The following SPON1 variants were observed in gnomAD, a reference collection of about 807,000 sequenced individuals.
The protein encoded by SPON1 is spondin 1.
Under a neutral mutation model 111.7 loss-of-function variants are expected in SPON1, and 52 were observed. The ratio of observed to expected loss-of-function variants is 0.47; its 90% CI spans 0.37 to 0.59. SPON1 has a LOEUF of 0.59. SPON1 is among the 20% of genes least tolerant of loss of function. The probability of loss-of-function intolerance (pLI) is 0.00; values close to 1 mark genes in which losing one functional copy is unlikely to be tolerated. For missense variants in SPON1, 957 were observed against 1,068.5 expected, an observed-to-expected ratio of 0.90 and a Z score of 1.46; for synonymous variants, 410 against 395.8, an observed-to-expected ratio of 1.04 and a Z score of -0.43.
At chr11:14,023,379 C>G (rs1282706058) in intron 2 of SPON1, among the ~76,000 whole-genome samples, 1 of 145,512 alleles carries the variant, frequency 6.9e-6, no homozygotes, top group Non-Finnish European at 1.6e-5. Context: ...GAGAGAAATA[C>G]TGTGAAGGTA....
At chr11:14,022,677 A>G (rs563393734) in intron 2 of SPON1, among the ~76,000 whole-genome samples, 3 of 152,338 alleles carry the variant, frequency 2.0e-5, no homozygotes, top group African/African-American at 4.8e-5. Context: ...GCATAGCTCA[A>G]TAAACTTTAG....
intron 6 of SPON1, among the ~76,000 whole-genome samples, chr11:14,152,381 A>G (rs1847798638): frequency 6.6e-6 from 1 of 152,210 alleles, no homozygotes; most frequent in Non-Finnish European, 1.5e-5. Flanking sequence ...TCATTAATCA[A>G]TGAGTAAGGA....
chr11:14,161,132 ATATATATC>A (rs1369938317), intron 6 of SPON1, among the ~76,000 whole-genome samples: 8 of 37,508 alleles, frequency 2.1e-4, no homozygotes, highest in East Asian at 1.0e-3. Flanking sequence ...TATATATTTT[ATATATATC>A]TATATATCTA....
chr11:14,091,854 C>A (rs1014186717), intron 5 of SPON1, among the ~76,000 whole-genome samples: 5 of 151,526 alleles, frequency 3.3e-5, no homozygotes, highest in African/African-American at 1.2e-4. Context: ...CGAGAGCAAG[C>A]GAGGGCTCTG....
intron 5 of SPON1, among the ~76,000 whole-genome samples, chr11:14,101,796 T>G (rs999178147): frequency 6.6e-6 from 1 of 152,230 alleles, no homozygotes; most frequent in Non-Finnish European, 1.5e-5. Flanking sequence ...CATCCTGCTT[T>G]TACCCCAACT....
intron 1 of SPON1, among the ~76,000 whole-genome samples, chr11:13,981,794 G>A (rs1369272647): frequency 1.3e-5 from 2 of 152,184 alleles, no homozygotes; most frequent in African/African-American, 4.8e-5. Flanking sequence ...GATTTTCCGT[G>A]GGGTTGTTTA....
At chr11:14,151,253 T>C (rs1337861459) in intron 6 of SPON1, among the ~76,000 whole-genome samples, 2 of 152,220 alleles carry the variant, frequency 1.3e-5, no homozygotes, top group Admixed American at 6.5e-5. Flanking sequence ...AACAAGTTCT[T>C]GTAGCCCATA....
chr11:14,157,453 T>G (rs1413372929), intron 6 of SPON1, among the ~76,000 whole-genome samples: 2 of 152,070 alleles, frequency 1.3e-5, no homozygotes, highest in Non-Finnish European at 2.9e-5. Flanking sequence ...ACATAGCTGC[T>G]TTTAAGATTT....
At chr11:14,224,025 G>A (rs1848710393) in intron 6 of SPON1, among the ~76,000 whole-genome samples, 1 of 152,156 alleles carries the variant, frequency 6.6e-6, no homozygotes, top group Non-Finnish European at 1.5e-5. Context: ...AATGTTATAA[G>A]CAAATCAAAT....
chr11:14,155,622 G>A (rs1484939137), intron 6 of SPON1, among the ~76,000 whole-genome samples: 5 of 151,216 alleles, frequency 3.3e-5, no homozygotes, highest in African/African-American at 9.7e-5. Flanking sequence ...CTAGCATTAG[G>A]TATATCTCCT....
At chr11:14,181,192 A>G (rs1217678017) in intron 6 of SPON1, among the ~76,000 whole-genome samples, 1 of 152,212 alleles carries the variant, frequency 6.6e-6, no homozygotes, top group African/African-American at 2.4e-5. Context: ...TCCTTACACA[A>G]TTAAATATAA....
At position 14,085,317 on chromosome 11, in the gene SPON1, C is replaced by G. The variant is rs185892356; in HGVS notation, c.676+5296C>G. On this transcript the variant is annotated intron_variant, in intron 5 of 15. Transcript: ENST00000576479. ...TCTTTAATAATCCATCTTGAGTTAA[C>G]TTTTGTATAAGATATAAGGAAGGGT... Among the ~76,000 whole-genome samples the G allele has an allele frequency of 1.7e-3, 262 of 152,032 alleles. 4 individuals are homozygous for G. Among genetic ancestry groups the G allele is most frequent in the African/African-American group, 5.8e-3 (241 of 41,498 alleles).
chr11:14,026,294 A>G (rs1040781304), intron 2 of SPON1, among the ~76,000 whole-genome samples: 3 of 152,380 alleles, frequency 2.0e-5, no homozygotes, highest in East Asian at 1.9e-4. Context: ...TTTGACAAAT[A>G]GTCCTTGAGT....
rs1849153081 is a variant in SPON1, at chr11:14,259,824, T to C, written c.1831+123T>C. ...CAGAGGAAAGCATGGCCCATGGTCCTTGCTGGGCACTGCTGGGAGCCAGAT... is the reference window on the plus strand; with the variant it reads ...CAGAGGAAAGCATGGCCCATGGTCCCTGCTGGGCACTGCTGGGAGCCAGAT... On this transcript the variant is annotated intron_variant, in intron 13 of 15. Coordinates refer to ENST00000576479, the MANE Select transcript of SPON1 (RefSeq NM_006108.4). This position sits in a 1 kb window ranked among gnomAD's most constrained non-coding sequence, Gnocchi z 5.0. The C allele has an allele frequency of 8.9e-7, 1 of 1,124,270 alleles. No individual in the cohort carries two copies. Among genetic ancestry groups the C allele is most frequent in the Non-Finnish European group, 1.3e-6 (1 of 795,748 alleles). The allele number at this position is 1,124,270 out of a possible 1,614,324, so 69.6% of individuals were successfully genotyped here. A position where few individuals can be genotyped will look rare whatever the true frequency, so the allele number is the denominator to read the frequency against.
Position 14,000,190 on chromosome 11 carries a change from T to C in SPON1, c.345+17237T>C, listed in dbSNP as rs541659531. Among the ~76,000 whole-genome samples, 4 of 152,230 alleles carry C rather than the reference T, an allele frequency of 2.6e-5. No homozygotes were observed. The South Asian group carries it at 8.3e-4, about 32-fold the overall frequency. On this transcript the variant is annotated intron_variant, in intron 2 of 15. Transcript: ENST00000576479. ...ACAGGTCTGTCTCCCTAGGCATGGA[T>C]ATATGCCTCAAAAACTCTATTTCCT...
intron 6 of SPON1, among the ~76,000 whole-genome samples, chr11:14,171,649 A>G (rs1372469139): frequency 1.3e-5 from 2 of 151,822 alleles, no homozygotes; most frequent in Non-Finnish European, 2.9e-5. Flanking sequence ...ATTTCCCTCT[A>G]CACACTGCTT....
intron 3 of SPON1, among the ~76,000 whole-genome samples, chr11:14,048,568 T>C (rs1848686130): frequency 1.3e-5 from 2 of 152,196 alleles, no homozygotes; most frequent in Admixed American, 1.3e-4. Flanking sequence ...ATGCAAAGCT[T>C]TGAACATTTC....
chr11:14,167,905 G>C (rs1554931991), intron 6 of SPON1, among the ~76,000 whole-genome samples: 1 of 152,068 alleles, frequency 6.6e-6, no homozygotes, highest in East Asian at 1.9e-4. Flanking sequence ...CTTTGCTTAA[G>C]ACTTCAGTTT....
chr11:14,254,723 C>A lies in SPON1; in HGVS notation c.1086C>A (p.Thr362=). The change falls in exon 8 of 16, where the codon ACC becomes ACA. Residue 362 remains threonine (T), a synonymous_variant. Coordinates refer to ENST00000576479, the MANE Select transcript of SPON1 (RefSeq NM_006108.4). ...PWDAGTDSGV[T]YESPNKPTIP... Reference sequence around the variant, plus strand: ...ACGCTGGCACCGACAGCGGGGTGACCTATGAGGTGTGTGTGTGTGCCTGGA... The same window carrying A: ...ACGCTGGCACCGACAGCGGGGTGACATATGAGGTGTGTGTGTGTGCCTGGA... 6.2e-7 allele frequency: 1 copy of A among 1,613,670 alleles called. No homozygotes were observed. The highest frequency in any genetic ancestry group is 8.5e-7 in the Non-Finnish European group (1 of 1,179,864).
Sources: allele counts gnomAD v4.1 joint callset (sites outside exome capture counted in the v4.1 genomes callset), GRCh38; gene constraint gnomAD v4.1.1; non-coding constraint Gnocchi (gnomAD v3.1); transcripts MANE v1.5; gene names NCBI Gene and HGNC (gene_info 2026-07-23, HGNC 2026-07-21).